Variants in PLPP1 observed in about 807,000 individuals in gnomAD.
PLPP1 encodes the protein phospholipid phosphatase 1, also known as lipid phosphate phosphohydrolase 1a.
A neutral mutation model predicts 31.2 loss-of-function variants in PLPP1; 24 were observed. The ratio of observed to expected loss-of-function variants is 0.77; its 90% CI spans 0.56 to 1.08. The LOEUF (loss-of-function observed/expected upper bound fraction) is 1.08. Among genes scored for constraint, PLPP1 ranks in the 50% least tolerant of loss-of-function variants. The probability of loss-of-function intolerance (pLI) is 0.00; values close to 1 mark genes in which losing one functional copy is unlikely to be tolerated. For missense variants in PLPP1, 319 were observed against 342.7 expected (o/e 0.93, Z 0.55); for synonymous variants, 146 against 126.3 (o/e 1.16, Z -1.05).
intron 2 of PLPP1, 122 bp from the exon 3 acceptor site, chr5:55,468,271 C>T: frequency 1.1e-6 from 1 of 895,444 alleles, no homozygotes; most frequent in South Asian, 1.8e-5. Context: ...AAAAACAGTC[C>T]CAGCCCCTTT....
chr5:55,467,174 A>G (rs1752320380), intron 3 of PLPP1, among the ~76,000 whole-genome samples: 2 of 152,332 alleles, frequency 1.3e-5, no homozygotes, highest in South Asian at 4.1e-4. Context: ...AACAATAATA[A>G]TAAACTAAGA....
chr5:55,468,203 C>A (rs1433874718), intron 2 of PLPP1, 54 bp from the exon 3 acceptor site: 3 of 1,413,804 alleles, frequency 2.1e-6, no homozygotes, highest in East Asian at 2.3e-5. Context: ...GCACTTTAAA[C>A]AAAACAAAAC....
intron 1 of PLPP1, among the ~76,000 whole-genome samples, chr5:55,479,950 G>A (rs1204545872): frequency 6.6e-6 from 1 of 152,022 alleles, no homozygotes; most frequent in Non-Finnish European, 1.5e-5. Flanking sequence ...ATATGTATGT[G>A]GAATTAAAAG....
chr5:55,501,612 C>G (rs1226388727), intron 1 of PLPP1, among the ~76,000 whole-genome samples: 1 of 152,128 alleles, frequency 6.6e-6, no homozygotes, highest in Non-Finnish European at 1.5e-5. Flanking sequence ...TCAAGCAATT[C>G]TCCTGCCTCA....
chr5:55,434,552 A>C (rs1751447276), intron 4 of PLPP1, among the ~76,000 whole-genome samples: 1 of 152,184 alleles, frequency 6.6e-6, no homozygotes, highest in Non-Finnish European at 1.5e-5. Context: ...AATAACCAAA[A>C]CAGCACAGTA....
rs1751183259 is a variant in PLPP1 at position 55,426,035 on chromosome 5, T to C, written c.554A>G (p.Tyr185Cys). ...SMYCMLFVAL[Y>C]LQARMKGDWA... Reference sequence around the variant, plus strand: ...GTCTCCCTTCATCCTGGCTTGAAGATAAAGCTAAAAGAAAAGAATAAAGAA... The same window carrying C: ...GTCTCCCTTCATCCTGGCTTGAAGACAAAGCTAAAAGAAAAGAATAAAGAA... The change falls in exon 5 of 6, where the codon TAT (tyrosine) becomes TGT (cysteine). Residue 185 changes from tyrosine to cysteine, a missense_variant. Transcript: ENST00000307259. The C allele has an allele frequency of 6.3e-7, 1 of 1,583,622 alleles. No homozygotes were observed. The highest frequency in any genetic ancestry group is 2.2e-5 in the East Asian group (1 of 44,668).
In PLPP1 at chr5:55,517,845, C is replaced by T. The variant is rs111802445; in HGVS notation, c.58+16727G>A. On this transcript the variant is annotated intron_variant, in intron 1 of 5. Coordinates refer to ENST00000307259, the MANE Select transcript of PLPP1 (RefSeq NM_003711.4). ...AAAACAGAGCTACCAGCAATATCTA[C>T]TTTTTTCTTTTTTGTTGTTGAGACA... Among the ~76,000 whole-genome samples, 822 of 152,194 alleles carry T rather than the reference C, an allele frequency of 5.4e-3. 4 individuals carry two copies. Among genetic ancestry groups the T allele is most frequent in the African/African-American group, 0.019 (792 of 41,528 alleles).
intron 1 of PLPP1, among the ~76,000 whole-genome samples, chr5:55,491,995 T>C (rs1474135149): frequency 6.6e-6 from 1 of 151,898 alleles, no homozygotes; most frequent in African/African-American, 2.4e-5. Flanking sequence ...CACCCGGTTT[T>C]ATTAGCCCTG....
chr5:55,514,432 G>C (rs1366105885), intron 1 of PLPP1, among the ~76,000 whole-genome samples: 1 of 151,926 alleles, frequency 6.6e-6, no homozygotes, highest in African/African-American at 2.4e-5. Flanking sequence ...ATCCAGACCT[G>C]ACACCTCAGC....
At chr5:55,435,906 T>C (rs10434533) in intron 4 of PLPP1, among the ~76,000 whole-genome samples, 130,381 of 151,592 alleles carry the variant, frequency 0.86, 56,453 homozygotes, top group South Asian at 0.92. Context: ...CCCAGCTACT[T>C]GGGAGGCTGA....
At position 55,512,850 on chromosome 5, in the gene PLPP1, T is replaced by A. The variant is rs146657218; in HGVS notation, c.58+21722A>T. On this transcript the variant is annotated intron_variant, in intron 1 of 5. Transcript: ENST00000307259. Reference sequence around the variant, plus strand: ...ATGTACAAGAACATTTCACCAAATATTAACAACACTGTATTTTAGTGGTCT... The same window carrying A: ...ATGTACAAGAACATTTCACCAAATAATAACAACACTGTATTTTAGTGGTCT... Among the ~76,000 whole-genome samples the A allele has an allele frequency of 2.4e-3, 362 of 152,328 alleles. 3 individuals carry two copies. The highest frequency in any genetic ancestry group is 8.1e-3 in the African/African-American group (338 of 41,562).
chr5:55,432,551 C>G (rs1008777443), intron 4 of PLPP1, among the ~76,000 whole-genome samples: 24 of 152,018 alleles, frequency 1.6e-4, no homozygotes, highest in African/African-American at 5.6e-4. Context: ...TACCCTGATA[C>G]GAAAAACAGA....
chr5:55,499,236 A>G (rs1753066515), intron 1 of PLPP1, among the ~76,000 whole-genome samples: 1 of 152,216 alleles, frequency 6.6e-6, no homozygotes, highest in Admixed American at 6.5e-5. Context: ...ACACACCTAC[A>G]TATCCCACTC....
At chr5:55,521,256 G>A (rs1360047651) in intron 1 of PLPP1, among the ~76,000 whole-genome samples, 1 of 152,082 alleles carries the variant, frequency 6.6e-6, no homozygotes, top group Non-Finnish European at 1.5e-5. Context: ...GGGAGGCTGA[G>A]GCAGGAAGAT....
intron 1 of PLPP1, among the ~76,000 whole-genome samples, chr5:55,510,686 C>G (rs1364573959): frequency 6.6e-6 from 1 of 152,216 alleles, no homozygotes; most frequent in Admixed American, 6.5e-5. Context: ...CATTCAGCTA[C>G]TGGTGGAACC....
chr5:55,452,802 A>G (rs1433399861), intron 3 of PLPP1, among the ~76,000 whole-genome samples: 5 of 152,210 alleles, frequency 3.3e-5, no homozygotes, highest in Admixed American at 2.0e-4. Context: ...CAATTACATC[A>G]AAAGCTGGGC....
intron 3 of PLPP1, among the ~76,000 whole-genome samples, chr5:55,448,950 T>C (rs1056852380): frequency 1.8e-4 from 28 of 152,158 alleles, no homozygotes; most frequent in Non-Finnish European, 3.5e-4. Context: ...ACAACGTAAA[T>C]GCTATGTAAA....
chr5:55,436,240 T>G (rs539076312), intron 4 of PLPP1, among the ~76,000 whole-genome samples: 2 of 152,000 alleles, frequency 1.3e-5, no homozygotes, highest in East Asian at 3.9e-4. Flanking sequence ...CCAAATGATA[T>G]GGCTTGGCTG....
At chr5:55,522,594 C>T (rs1057110037) in intron 1 of PLPP1, among the ~76,000 whole-genome samples, 1 of 152,158 alleles carries the variant, frequency 6.6e-6, no homozygotes, top group African/African-American at 2.4e-5. Context: ...CAGATATACT[C>T]AAAATGGTAA....
Sources: gnomAD v4.1 joint callset for allele counts (sites outside exome capture counted in the v4.1 genomes callset) on GRCh38, gnomAD v4.1.1 for gene constraint, MANE v1.5 for transcripts, NCBI Gene and HGNC (gene_info 2026-07-23, HGNC 2026-07-21) for gene names.